Variants in DTD1 observed in about 807,000 individuals in gnomAD.
DTD1 encodes D-tyrosyl-tRNA deacylase 1 homolog.
Under a neutral mutation model 25.6 loss-of-function variants are expected in DTD1, and 13 were observed. The ratio of observed to expected loss-of-function variants is 0.51; its 90% CI spans 0.33 to 0.81. DTD1 has a LOEUF of 0.81. DTD1 is among the 30% of genes least tolerant of loss of function. The pLI, the probability that DTD1 is intolerant of heterozygous loss-of-function variation, is 0.02. For missense variants in DTD1, 193 were observed against 266.4 expected (o/e 0.72, Z 1.92); for synonymous variants, 110 against 103.6 (o/e 1.06, Z -0.37).
At chr20:18,626,457 G>T (rs11698229) in intron 3 of DTD1, among the ~76,000 whole-genome samples, 47,809 of 152,130 alleles carry the variant, frequency 0.31, 8,222 homozygotes, top group South Asian at 0.42. Flanking sequence ...TGCAGCATAA[G>T]CGTGTCTAAC....
In DTD1 at chr20:18,766,212, TC is replaced by T. The variant is rs903939887; in HGVS notation, c.*2874del. 1 of 152,168 alleles carries T rather than the reference TC, an allele frequency of 6.6e-6. No individual in the cohort carries two copies. Among genetic ancestry groups the T allele is most frequent in the Non-Finnish European group, 1.5e-5 (1 of 68,026 alleles). The allele number at this position is 152,168 out of a possible 1,614,324, so 9.4% of individuals were successfully genotyped here. A position where few individuals can be genotyped will look rare whatever the true frequency, so the allele number is the denominator to read the frequency against. The stretch of plus-strand genomic sequence containing the variant: ...GATTTGATCATAAGGAACAAATAGT[TC>T]CGCAAACACCCTATTTCCTTTGATA... On this transcript the variant is annotated 3_prime_UTR_variant, in exon 6 of 6. Coordinates refer to ENST00000377452, the MANE Select transcript of DTD1 (RefSeq NM_080820.6).
Position 18,712,350 on chromosome 20 carries a change from G to A in DTD1, c.478-31750G>A, listed in dbSNP as rs142705280. ...GAAATTCTTTCCTTTGTGACCACAG[G>A]ACACATATGATATCATTTTCATAAG... On this transcript the variant is annotated intron_variant, in intron 4 of 5. Coordinates refer to ENST00000377452, the MANE Select transcript of DTD1 (RefSeq NM_080820.6). 4.8e-5 allele frequency among the ~76,000 whole-genome samples: 6 copies of A among 125,268 alleles called. No homozygotes were observed. The East Asian group carries it at 1.3e-3, about 28-fold the overall frequency. 82.2% of individuals were successfully genotyped at this position (125,268 alleles called of 152,430 possible).
intron 3 of DTD1, among the ~76,000 whole-genome samples, chr20:18,623,009 G>C (rs952030916): frequency 1.3e-5 from 2 of 149,018 alleles, no homozygotes; most frequent in East Asian, 3.9e-4. Flanking sequence ...GCGCGATCTC[G>C]GCTCATTGCG....
At chr20:18,693,329 T>TG (rs1487855553) in intron 4 of DTD1, among the ~76,000 whole-genome samples, 5 of 152,186 alleles carry the variant, frequency 3.3e-5, no homozygotes, top group Non-Finnish European at 7.3e-5. Flanking sequence ...GTGAATAACA[T>TG]TGTTTGTTGT....
chr20:18,751,063 C>CTGTGTGTGTGTG (rs2061319243), intron 5 of DTD1, among the ~76,000 whole-genome samples: 5 of 83,962 alleles, frequency 6.0e-5, no homozygotes, highest in Non-Finnish European at 1.5e-4. Flanking sequence ...GCTACAGCAG[C>CTGTGTGTGTGTG]CGTGTGTGTG....
intron 3 of DTD1, among the ~76,000 whole-genome samples, chr20:18,601,528 G>A (rs1215354826): frequency 6.9e-6 from 1 of 145,176 alleles, no homozygotes; most frequent in African/African-American, 2.5e-5. Context: ...AAAGCAGTCT[G>A]ACAGCTTTGA....
At chr20:18,682,350 T>A (rs1235869562) in intron 4 of DTD1, among the ~76,000 whole-genome samples, 2 of 152,254 alleles carry the variant, frequency 1.3e-5, no homozygotes, top group African/African-American at 2.4e-5. Context: ...TGCTGTAAAC[T>A]GTGTTCCTTG....
chr20:18,649,339 T>C (rs1228054889), intron 4 of DTD1, among the ~76,000 whole-genome samples: 1 of 112,406 alleles, frequency 8.9e-6, no homozygotes, highest in African/African-American at 3.2e-5. Flanking sequence ...TTTTTTTTTT[T>C]TTTTTTTTTT....
At chr20:18,685,821 G>A (rs2061014421) in intron 4 of DTD1, among the ~76,000 whole-genome samples, 2 of 152,146 alleles carry the variant, frequency 1.3e-5, no homozygotes, top group African/African-American at 4.8e-5. Flanking sequence ...CTGAACAATG[G>A]GAATAGGAGA....
chr20:18,637,338 G>A (rs1041685702), intron 4 of DTD1, among the ~76,000 whole-genome samples: 3 of 152,146 alleles, frequency 2.0e-5, no homozygotes, highest in Non-Finnish European at 4.4e-5. Flanking sequence ...CCTTCTCAAC[G>A]CAATTACAGA....
intron 4 of DTD1, among the ~76,000 whole-genome samples, chr20:18,666,158 C>A (rs959230487): frequency 6.6e-6 from 1 of 152,110 alleles, no homozygotes; most frequent in Non-Finnish European, 1.5e-5. Flanking sequence ...GAGGACTGGC[C>A]ATGTACTCTA....
intron 1 of DTD1, among the ~76,000 whole-genome samples, chr20:18,590,300 C>T (rs1402674443): frequency 6.6e-6 from 1 of 152,172 alleles, no homozygotes; most frequent in Non-Finnish European, 1.5e-5. Flanking sequence ...GTTTCAGCAT[C>T]CTGAGTAGTT....
At chr20:18,618,515 C>A (rs974494642) in intron 3 of DTD1, among the ~76,000 whole-genome samples, 1 of 150,618 alleles carries the variant, frequency 6.6e-6, no homozygotes, top group Non-Finnish European at 1.5e-5. Flanking sequence ...CCACCATTCC[C>A]AGCTAATATA....
At chr20:18,693,504 A>C (rs2122441170) in intron 4 of DTD1, among the ~76,000 whole-genome samples, 1 of 152,008 alleles carries the variant, frequency 6.6e-6, no homozygotes, top group East Asian at 2.0e-4. Context: ...TAAAACTACA[A>C]AAATTAGCTG....
At chr20:18,703,176 T>G (rs1052804918) in intron 4 of DTD1, among the ~76,000 whole-genome samples, 1 of 152,250 alleles carries the variant, frequency 6.6e-6, no homozygotes, top group Non-Finnish European at 1.5e-5. Flanking sequence ...TATATGGATG[T>G]AGAATTCTAG....
chr20:18,678,262 C>A (rs939464644), intron 4 of DTD1, among the ~76,000 whole-genome samples: 1 of 152,252 alleles, frequency 6.6e-6, no homozygotes, highest in African/African-American at 2.4e-5. Context: ...AGCCCTCTGT[C>A]TGCAGGTGCA....
intron 4 of DTD1, among the ~76,000 whole-genome samples, chr20:18,702,020 G>T (rs1420829631): frequency 6.6e-6 from 1 of 152,190 alleles, no homozygotes. Context: ...AATCATTGTT[G>T]ACAGGAGAAA....
chr20:18,596,415 C>G (rs972541031), intron 3 of DTD1, among the ~76,000 whole-genome samples, 174 bp downstream of exon 3: 1 of 152,224 alleles, frequency 6.6e-6, no homozygotes, highest in Non-Finnish European at 1.5e-5. Flanking sequence ...TAACACATGT[C>G]CTCAGAATGC....
chr20:18,677,811 C>T (rs1568666126), intron 4 of DTD1, among the ~76,000 whole-genome samples: 1 of 151,398 alleles, frequency 6.6e-6, no homozygotes, highest in Non-Finnish European at 1.5e-5. Flanking sequence ...AATACAACTG[C>T]AAAGACAAAG....
Sources: gnomAD v4.1 joint callset for allele counts (sites outside exome capture counted in the v4.1 genomes callset) on GRCh38, gnomAD v4.1.1 for gene constraint, MANE v1.5 for transcripts, NCBI Gene and HGNC (gene_info 2026-07-23, HGNC 2026-07-21) for gene names.